BMP1: variants seen among roughly 807,000 people sequenced by gnomAD.
BMP1 encodes the protein bone morphogenetic protein 1, also known as mammalian tolloid protein.
BMP1 carries 63 observed loss-of-function variants against 116.8 expected under a neutral mutation model. The observed-to-expected ratio is 0.54, with a 90% CI of 0.44 to 0.67. The LOEUF (loss-of-function observed/expected upper bound fraction) is 0.67, where lower values mean the gene tolerates loss of function less well. Among genes scored for constraint, BMP1 ranks in the 30% least tolerant of loss-of-function variants. The pLI is 0.00. For synonymous variants in BMP1, 536 were observed against 533.4 expected, an observed-to-expected ratio of 1.00 and a Z score of -0.07; for missense variants, 1,183 against 1,358.9, an observed-to-expected ratio of 0.87 and a Z score of 2.04.
chr8:22,192,780 A>AG (rs1223589953), intron 9 of BMP1, among the ~76,000 whole-genome samples: 1 of 152,126 alleles, frequency 6.6e-6, no homozygotes, highest in Non-Finnish European at 1.5e-5. Context: ...GGGCAAAGGG[A>AG]GGCAGGTGAT....
chr8:22,211,021 G>A (rs1829454200), intron 19 of BMP1, among the ~76,000 whole-genome samples: 1 of 152,368 alleles, frequency 6.6e-6, no homozygotes, highest in Middle Eastern at 3.4e-3. Context: ...GAAGGGCTCG[G>A]GAGCAGACCT....
chr8:22,172,296 G>C (rs1334017845), intron 1 of BMP1, among the ~76,000 whole-genome samples: 1 of 152,110 alleles, frequency 6.6e-6, no homozygotes, highest in Admixed American at 6.6e-5. Flanking sequence ...GCTCCCATCT[G>C]AGCGCCTTAC....
In BMP1 at chr8:22,173,679, C is replaced by A. The variant is rs201377252; in HGVS notation, c.226C>A (p.Arg76=). The part of the protein sequence containing the change: ...FQVQQAVDLR[R]HTARKSSIKA... Reference sequence around the variant, plus strand: ...GGTACAGCAGGCTGTGGATCTCAGACGGCACACAGCTCGTAAGTCCTCCAT... The same window carrying A: ...GGTACAGCAGGCTGTGGATCTCAGAAGGCACACAGCTCGTAAGTCCTCCAT... The change falls in exon 2 of 20, where the codon CGG becomes AGG. Residue 76 remains arginine (R), a synonymous_variant. Transcript: ENST00000306385. 6.2e-7 allele frequency: 1 copy of A among 1,613,620 alleles called. No homozygotes were observed. The highest frequency in any genetic ancestry group is 1.7e-5 in the Admixed American group (1 of 59,946).
intron 1 of BMP1, 81 bp from the exon 2 acceptor site, chr8:22,173,521 C>G: frequency 9.8e-7 from 1 of 1,023,880 alleles, no homozygotes; most frequent in Non-Finnish European, 1.4e-6. Context: ...CTGGTGCCCA[C>G]AGGGTTGGGG....
At chr8:22,201,657 A>G in intron 15 of BMP1, 146 bp from the exon 16 acceptor site, 1 of 1,402,198 alleles carries the variant, frequency 7.1e-7, no homozygotes, top group Non-Finnish European at 9.4e-7. Flanking sequence ...CTGGCCTCCC[A>G]CTCCCGGCCA....
chr8:22,166,014 G>A (rs1828094685), intron 1 of BMP1, among the ~76,000 whole-genome samples: 2 of 151,588 alleles, frequency 1.3e-5, no homozygotes, highest in South Asian at 4.2e-4. Context: ...ACATCTGTCT[G>A]GCTTGGATCT....
intron 19 of BMP1, among the ~76,000 whole-genome samples, chr8:22,210,468 T>TCTCTCACACA (rs10664439): frequency 8.9e-5 from 12 of 135,568 alleles, no homozygotes; most frequent in African/African-American, 3.5e-4. Context: ...TCTCTCTCTC[T>TCTCTCACACA]CACACACATA....
In BMP1 at chr8:22,195,486, A is replaced by T. The variant is rs1198009348; in HGVS notation, c.1664A>T (p.Asn555Ile). 1 of 1,610,444 alleles carries T rather than the reference A, an allele frequency of 6.2e-7. No homozygotes were observed. Among genetic ancestry groups the T allele is most frequent in the South Asian group, 1.1e-5 (1 of 90,642 alleles). The change falls in exon 13 of 20, where the codon AAC becomes ATC. Residue 555 changes from asparagine (N) to isoleucine (I), a missense_variant. Around this residue, in one of 4 missense-constraint regions of BMP1, gnomAD observed 956 missense variants for 1,135.2 expected, o/e 0.84. Transcript: ENST00000306385. ...GAGGTGGACGAGTGCTCTCGGCCCA[A>T]CCGCGGGGGCTGTGAGCAGCGGTGC... ...FKEVDECSRP[N>I]RGGCEQRCLN... is the part of the protein sequence containing the mutation.
chr8:22,211,543 G>T, intron 19 of BMP1, 51 bp from the exon 20 acceptor site: 1 of 1,610,834 alleles, frequency 6.2e-7, no homozygotes, highest in Non-Finnish European at 8.5e-7. Flanking sequence ...AGGCAGGACA[G>T]CAGCCCCAGC....
At chr8:22,183,270 AGCTGGGTG>A (rs1260269995) in intron 8 of BMP1, among the ~76,000 whole-genome samples, 3 of 152,272 alleles carry the variant, frequency 2.0e-5, no homozygotes, top group African/African-American at 7.2e-5. Flanking sequence ...TTTAAAAATT[AGCTGGGTG>A]TCTGGTGGGT....
chr8:22,189,127 G>A (rs921566134), intron 8 of BMP1, among the ~76,000 whole-genome samples: 5 of 152,212 alleles, frequency 3.3e-5, no homozygotes, highest in Admixed American at 6.5e-5. Context: ...ACCCTCCTCC[G>A]GATCCCATTC....
rs375157017 is a variant in BMP1, at chr8:22,207,509, C to T, written c.2568C>T (p.His856=). The T allele has an allele frequency of 1.6e-5, 26 of 1,613,306 alleles. No individual in the cohort carries two copies. Among genetic ancestry groups the T allele is most frequent in the South Asian group, 7.7e-5 (7 of 91,082 alleles). Residue 856 remains histidine, a synonymous_variant, in exon 18 of 20, where the codon CAC becomes CAT. Transcript: ENST00000306385. ...SVQRKGFQAS[H]ATECGGQVRA... is the part of the protein sequence containing the mutation. The stretch of plus-strand genomic sequence containing the variant: ...AGCGAAAGGGCTTCCAGGCCTCCCA[C>T]GCCACAGGTACTGTCCCCGGTTGTG...
chr8:22,195,510 G>C lies in BMP1; in HGVS notation c.1688G>C (p.Cys563Ser). 6.2e-7 allele frequency: 1 copy of C among 1,612,716 alleles called. No individual in the cohort carries two copies. Among genetic ancestry groups the C allele is most frequent in the Non-Finnish European group, 8.5e-7 (1 of 1,179,742 alleles). ...RPNRGGCEQRCLNTLGSYKCS... is the reference protein window; with the variant it reads ...RPNRGGCEQRSLNTLGSYKCS... ...AACCGCGGGGGCTGTGAGCAGCGGT[G>C]CCTCAACACCCTGGGCAGCTACAAG... Residue 563 changes from cysteine (C) to serine (S), a missense_variant, in exon 13 of 20, where the codon TGC becomes TCC. By Grantham distance (112) the Cys-to-Ser change is moderately radical (BLOSUM62 -1). Around this residue, in one of 4 missense-constraint regions of BMP1, gnomAD observed 956 missense variants for 1,135.2 expected, o/e 0.84. Transcript: ENST00000306385.
At chr8:22,166,651 G>C (rs28704812) in intron 1 of BMP1, among the ~76,000 whole-genome samples, 4,222 of 152,320 alleles carry the variant, frequency 0.028, 164 homozygotes, top group African/African-American at 0.098. Flanking sequence ...TGGGGCACCA[G>C]GGGCGGAGGG....
At chr8:22,170,906 A>C (rs1314023336) in intron 1 of BMP1, 1 of 152,162 alleles carries the variant, frequency 6.6e-6, no homozygotes, top group South Asian at 2.1e-4. Context: ...AGCCTGGGTG[A>C]CAGAGTGAGA....
chr8:22,193,972 A>C, intron 9 of BMP1, 86 bp from the exon 10 acceptor site: 1 of 1,104,058 alleles, frequency 9.1e-7, no homozygotes, highest in Non-Finnish European at 1.4e-6. Flanking sequence ...ATCAGGGCCC[A>C]AGCACCCAAG....
chr8:22,199,662 C>T (rs1301229251), intron 15 of BMP1, among the ~76,000 whole-genome samples: 1 of 152,218 alleles, frequency 6.6e-6, no homozygotes, highest in African/African-American at 2.4e-5. Flanking sequence ...GAAGGCTTTG[C>T]TCAGTCCGTA....
chr8:22,202,672 ACTCTGT>A (rs1829288960), intron 16 of BMP1, among the ~76,000 whole-genome samples: 1 of 152,230 alleles, frequency 6.6e-6, no homozygotes, highest in Admixed American at 6.5e-5. Context: ...ACATAGTGAG[ACTCTGT>A]CTCTATTTTA....
chr8:22,172,910 C>T (rs1488058675), intron 1 of BMP1, among the ~76,000 whole-genome samples: 3 of 152,112 alleles, frequency 2.0e-5, no homozygotes, highest in African/African-American at 7.2e-5. Flanking sequence ...AGCCACTGCA[C>T]CTGGCTTATT....
Sources: allele counts gnomAD v4.1 joint callset (sites outside exome capture counted in the v4.1 genomes callset), GRCh38; gene constraint gnomAD v4.1.1; regional missense constraint gnomAD v4.1.1; transcripts MANE v1.5; gene names NCBI Gene and HGNC (gene_info 2026-07-23, HGNC 2026-07-21).